Variants in MYO16 observed in about 807,000 individuals in gnomAD.
MYO16 encodes unconventional myosin-XVI.
Under a neutral mutation model 205.3 loss-of-function variants are expected in MYO16, and 94 were observed. That is an observed-to-expected ratio of 0.46 (90% CI 0.39 to 0.54). MYO16 has a LOEUF of 0.54. Among genes scored for constraint, MYO16 ranks in the 20% least tolerant of loss-of-function variants. MYO16 has a pLI of 0.00. For synonymous variants in MYO16, 988 were observed against 954.0 expected (o/e 1.04, Z -0.66); for missense variants, 2,315 against 2,387.5 (o/e 0.97, Z 0.63).
intron 23 of MYO16, among the ~76,000 whole-genome samples, chr13:109,023,279 ATATT>A (rs1423800609): frequency 5.0e-5 from 5 of 100,028 alleles, no homozygotes; most frequent in African/African-American, 1.6e-4. Context: ...ATAAATATAT[ATATT>A]TATATATTAT....
intron 32 of MYO16, among the ~76,000 whole-genome samples, chr13:109,161,675 A>C (rs1878393671): frequency 1.3e-5 from 2 of 152,248 alleles, no homozygotes; most frequent in African/African-American, 4.8e-5. Flanking sequence ...ATCCAGAGCC[A>C]GGCTTAAGTA....
At chr13:108,974,405 A>G (rs1884175468) in intron 20 of MYO16, among the ~76,000 whole-genome samples, 1 of 152,166 alleles carries the variant, frequency 6.6e-6, no homozygotes, top group Non-Finnish European at 1.5e-5. Flanking sequence ...ACAAACACGC[A>G]CACACACATA....
intron 14 of MYO16, 151 bp from the exon 15 acceptor site, chr13:108,897,865 A>G (rs1880506571): frequency 1.5e-6 from 1 of 646,598 alleles, no homozygotes; most frequent in African/African-American, 1.8e-5. Flanking sequence ...CCTTTGAGGA[A>G]AAAGGGGTCT....
intron 16 of MYO16, among the ~76,000 whole-genome samples, chr13:108,920,695 G>T (rs1276442705): frequency 6.6e-6 from 1 of 152,156 alleles, no homozygotes; most frequent in Non-Finnish European, 1.5e-5. Flanking sequence ...CTTACCTCTG[G>T]TGATCTGCCC....
chr13:108,593,794 C>T (rs1439438508), upstream of MYO16, among the ~76,000 whole-genome samples: 4 of 152,092 alleles, frequency 2.6e-5, no homozygotes, highest in Admixed American at 1.3e-4. Flanking sequence ...TAGAGTCTGT[C>T]GGGCTCCTAT....
the MYO16 span, among the ~76,000 whole-genome samples, chr13:108,506,217 T>C: frequency 6.6e-6 from 1 of 152,176 alleles, no homozygotes. Context: ...GGAATTCTAA[T>C]AGGATTATGT....
In MYO16 at chr13:109,140,037, G is replaced by A. The variant is rs553969587; in HGVS notation, c.4052-227G>A. Among the ~76,000 whole-genome samples, 127 of 152,190 alleles carry A rather than the reference G, an allele frequency of 8.3e-4. 1 individual carries two copies. The highest frequency in any genetic ancestry group is 2.8e-3 in the African/African-American group (118 of 41,522). On this transcript the variant is annotated intron_variant, in intron 31 of 34. Coordinates refer to ENST00000457511, the MANE Select transcript of MYO16 (RefSeq NM_001198950.3). The surrounding 1 kb of genome is among the most constrained non-coding windows in gnomAD (Gnocchi z 8.0). ...CGTTCCACTGGACAACCTCCTCAGA[G>A]GGTGGGAGTCTTCTTCCATCTCCAA...
At chr13:108,986,253 A>G (rs1884630044) in intron 20 of MYO16, among the ~76,000 whole-genome samples, 1 of 152,208 alleles carries the variant, frequency 6.6e-6, no homozygotes, top group Non-Finnish European at 1.5e-5. Flanking sequence ...GCCAAACCAT[A>G]TCAAGGTAGA....
At chr13:109,020,672 C>A (rs1487979920) in intron 23 of MYO16, among the ~76,000 whole-genome samples, 1 of 152,110 alleles carries the variant, frequency 6.6e-6, no homozygotes, top group Non-Finnish European at 1.5e-5. Flanking sequence ...ATCCTCAGTC[C>A]AAATCCCAGC....
chr13:109,203,832 G>T (rs892464288), intron 34 of MYO16, among the ~76,000 whole-genome samples: 3 of 152,140 alleles, frequency 2.0e-5, no homozygotes, highest in African/African-American at 7.2e-5. Context: ...ATAAACTTTG[G>T]CCTAGGGCGC....
chr13:109,088,754 G>A (rs911267110), intron 27 of MYO16, among the ~76,000 whole-genome samples: 1 of 152,162 alleles, frequency 6.6e-6, no homozygotes, highest in African/African-American at 2.4e-5. Context: ...CGCATCGCGC[G>A]AGAAGAAGAC....
At position 108,753,246 on chromosome 13, in the gene MYO16, T is replaced by G. The variant is rs1885301328; in HGVS notation, c.507+25663T>G. On this transcript the variant is annotated intron_variant, in intron 4 of 34. Transcript: ENST00000457511. ...TTAGCCGGGTGTGTTGGCGGGCGCC[T>G]GTAATCCCAGCGACTTGGGAGGCTG... is the stretch of plus-strand genomic sequence containing the variant. 4.0e-5 allele frequency among the ~76,000 whole-genome samples: 6 copies of G among 151,760 alleles called. No homozygotes were observed. The South Asian group carries it at 1.0e-3, about 26-fold the overall frequency.
At chr13:108,783,149 GC>G (rs1354304278) in intron 4 of MYO16, among the ~76,000 whole-genome samples, 1 of 152,164 alleles carries the variant, frequency 6.6e-6, no homozygotes, top group Non-Finnish European at 1.5e-5. Context: ...GCTCGTGAAA[GC>G]AGCCAGGAGG....
At chr13:108,789,554 A>T (rs1886555011) in intron 5 of MYO16, among the ~76,000 whole-genome samples, 1 of 152,172 alleles carries the variant, frequency 6.6e-6, no homozygotes, top group Non-Finnish European at 1.5e-5. Context: ...CTGCATGACT[A>T]CATAAGATGG....
chr13:109,183,924 CTGAA>C (rs1198893736), intron 34 of MYO16, among the ~76,000 whole-genome samples: 13 of 152,148 alleles, frequency 8.5e-5, no homozygotes, highest in Admixed American at 2.6e-4. Flanking sequence ...GTTTGCTTTA[CTGAA>C]TGATCAAATA....
intron 7 of MYO16, among the ~76,000 whole-genome samples, chr13:108,819,176 C>T (rs1244165925): frequency 6.6e-6 from 1 of 152,088 alleles, no homozygotes; most frequent in Non-Finnish European, 1.5e-5. Flanking sequence ...CTTATGGGAA[C>T]ATTATTTGTA....
intron 24 of MYO16, among the ~76,000 whole-genome samples, chr13:109,049,630 T>A (rs1202774546): frequency 6.6e-6 from 1 of 152,174 alleles, no homozygotes; most frequent in African/African-American, 2.4e-5. Context: ...TTCAGTTTTA[T>A]TAGAGGCATT....
At chr13:109,024,892 G>A (rs2139538228) in intron 23 of MYO16, among the ~76,000 whole-genome samples, 1 of 152,156 alleles carries the variant, frequency 6.6e-6, no homozygotes, top group African/African-American at 2.4e-5. Context: ...CTTAAATTTT[G>A]AGCTACTGCA....
intron 22 of MYO16, among the ~76,000 whole-genome samples, chr13:109,015,130 C>T (rs1393802469): frequency 2.0e-5 from 3 of 152,096 alleles, no homozygotes; most frequent in South Asian, 2.1e-4. Context: ...TTTTGAGATA[C>T]GTTCCATCAA....
Sources: allele counts gnomAD v4.1 joint callset (sites outside exome capture counted in the v4.1 genomes callset), GRCh38; gene constraint gnomAD v4.1.1; non-coding constraint Gnocchi (gnomAD v3.1); transcripts MANE v1.5; gene names NCBI Gene and HGNC (gene_info 2026-07-23, HGNC 2026-07-21).